The following C1QTNF8 variants were observed in gnomAD, a reference collection of about 807,000 sequenced individuals.
C1QTNF8 encodes complement C1q tumor necrosis factor-related protein 8.
Under a neutral mutation model 19.2 loss-of-function variants are expected in C1QTNF8, and 27 were observed. That is an observed-to-expected ratio of 1.41 (90% CI 1.04 to 1.94). The LOEUF is 1.94. Among genes scored for constraint, C1QTNF8 ranks in the 30% most tolerant of loss-of-function variants. The pLI, the probability that C1QTNF8 is intolerant of heterozygous loss-of-function variation, is 0.00. For synonymous variants in C1QTNF8, 208 were observed against 172.8 expected (o/e 1.20, Z -1.60); for missense variants, 484 against 374.4 (o/e 1.29, Z -2.42).
intron 3 of C1QTNF8, 70 bp downstream of exon 3, chr16:1,094,645 G>A: frequency 2.2e-6 from 3 of 1,349,146 alleles, no homozygotes; most frequent in African/African-American, 1.5e-5. Context: ...CAAGCCCCAG[G>A]TGCTCCCCAC....
In C1QTNF8 at chr16:1,093,885, C is replaced by T; in HGVS notation, c.375G>A (p.Glu125=). 1.3e-6 allele frequency: 2 copies of T among 1,571,360 alleles called. No homozygotes were observed. The highest frequency in any genetic ancestry group is 2.3e-5 in the East Asian group (1 of 43,750). ...AYAAFSVGRR[E]GLHSSDHFQA... is the part of the protein sequence containing the mutation. ...GGAAGTGGTCGGAGCTGTGCAGGCC[C>T]TCGCGCCGGCCCACGGAGAAGGCGG... Residue 125 remains glutamate (E), a synonymous_variant, in exon 4 of 5, where the codon GAG becomes GAA. Coordinates refer to ENST00000328449, the MANE Select transcript of C1QTNF8 (RefSeq NM_207419.3).
chr16:1,093,869 C>T lies in C1QTNF8; in HGVS notation c.391G>A (p.Asp131Asn), dbSNP rs1204375941. 1.9e-6 allele frequency: 3 copies of T among 1,597,936 alleles called. No homozygotes were observed. Among genetic ancestry groups the T allele is most frequent in the East Asian group, 2.2e-5 (1 of 44,700 alleles). Residue 131 changes from aspartate (D) to asparagine (N), a missense_variant, in exon 4 of 5, where the codon GAC (aspartate) becomes AAC (asparagine). Coordinates refer to ENST00000328449, the MANE Select transcript of C1QTNF8 (RefSeq NM_207419.3). ...TCGAAGGGCACCGCCTGGAAGTGGTCGGAGCTGTGCAGGCCCTCGCGCCGG... is the reference window on the plus strand; with the variant it reads ...TCGAAGGGCACCGCCTGGAAGTGGTTGGAGCTGTGCAGGCCCTCGCGCCGG... ...VGRREGLHSSDHFQAVPFDTE... is the reference protein window; with the variant it reads ...VGRREGLHSSNHFQAVPFDTE...
At chr16:1,092,451 A>G (rs1960568510) in intron 4 of C1QTNF8, among the ~76,000 whole-genome samples, 1 of 149,942 alleles carries the variant, frequency 6.7e-6, no homozygotes, top group East Asian at 2.0e-4. Flanking sequence ...ATCACAGCAC[A>G]CAGTCGTCGC....
At position 1,090,978 on chromosome 16, in the gene C1QTNF8, G is replaced by A. The variant is rs560751882; in HGVS notation, c.*5-384C>T. On this transcript the variant is annotated intron_variant, in intron 4 of 4. Transcript: ENST00000328449. Reference sequence around the variant, plus strand: ...CTGCAGGGTGCACCCTGATGTTGGGGGCTGTCCTCTCACAGACCCTCCTGG... The same window carrying A: ...CTGCAGGGTGCACCCTGATGTTGGGAGCTGTCCTCTCACAGACCCTCCTGG... Among the ~76,000 whole-genome samples the A allele has an allele frequency of 2.0e-5, 3 of 152,312 alleles. No homozygotes were observed. The South Asian group carries it at 6.2e-4, about 32-fold the overall frequency.
At position 1,093,970 on chromosome 16, in the gene C1QTNF8, CCCTGCAGGCCCCGGGCG is replaced by C. The variant is rs765366180; in HGVS notation, c.273_289del (p.Ala92ProfsTer277). On this transcript the variant is annotated frameshift_variant, in exon 4 of 5. Transcript: ENST00000328449. LOFTEE classifies it high-confidence loss of function. ...CACCTGCCCCTTCTGGCCTCTGCGG[CCCTGCAGGCCCCGGGCG>C]CCTGGCGGCCCCTCTTTCCCGCTCC... The C allele has an allele frequency of 1.4e-5, 20 of 1,469,292 alleles. No individual in the cohort carries two copies. Among genetic ancestry groups the C allele is most frequent in the Non-Finnish European group, 1.7e-5 (19 of 1,125,716 alleles). 91.0% of individuals were successfully genotyped at this position (1,469,292 alleles called of 1,614,324 possible).
rs536688622 is a variant in C1QTNF8 at position 1,088,345 on chromosome 16, G to A, written c.*2254C>T. 2.1e-4 allele frequency among the ~76,000 whole-genome samples: 32 copies of A among 152,342 alleles called. No individual in the cohort carries two copies. The highest frequency in any genetic ancestry group is 1.1e-3 in the Admixed American group (17 of 15,308). On this transcript the variant is annotated 3_prime_UTR_variant, in exon 5 of 5. Coordinates refer to ENST00000328449, the MANE Select transcript of C1QTNF8 (RefSeq NM_207419.3). The stretch of plus-strand genomic sequence containing the variant: ...CACAGGGATGTCCCCGCGGGAAGCC[G>A]CGTTCCCCAGTCCCTTCCTGTGCGG...
rs567652028 is a variant in C1QTNF8, at chr16:1,088,337, G to A, written c.*2262C>T. Among the ~76,000 whole-genome samples the A allele has an allele frequency of 4.6e-5, 7 of 152,354 alleles. No individual in the cohort carries two copies. Among genetic ancestry groups the A allele is most frequent in the East Asian group, 3.9e-4 (2 of 5,186 alleles). On this transcript the variant is annotated 3_prime_UTR_variant, in exon 5 of 5. Transcript: ENST00000328449. ...TGGAATGTCACAGGGATGTCCCCGCGGGAAGCCGCGTTCCCCAGTCCCTTC... is the reference window on the plus strand; with the variant it reads ...TGGAATGTCACAGGGATGTCCCCGCAGGAAGCCGCGTTCCCCAGTCCCTTC...
intron 4 of C1QTNF8, among the ~76,000 whole-genome samples, chr16:1,092,640 A>C (rs879124743): frequency 1.1e-4 from 9 of 84,248 alleles, no homozygotes; most frequent in African/African-American, 1.2e-4. Flanking sequence ...TCAACCAATC[A>C]CAGCACACAG....
rs572270179 is a variant in C1QTNF8 at position 1,094,014 on chromosome 16, G to A, written c.246C>T (p.Gly82=). The A allele has an allele frequency of 2.7e-6, 4 of 1,484,536 alleles. No individual in the cohort carries two copies. Among genetic ancestry groups the A allele is most frequent in the East Asian group, 2.6e-5 (1 of 37,920 alleles). The allele number at this position is 1,484,536 out of a possible 1,614,324, so 92.0% of individuals were successfully genotyped here. A position where few individuals can be genotyped will look rare whatever the true frequency, so the allele number is the denominator to read the frequency against. The part of the protein sequence containing the change: ...KGEAGVRGRA[G]RSGKEGPPGA... ...CTGGCGGCCCCTCTTTCCCGCTCCT[G>A]CCGGCCCGACCTCGGACGCCGGCCT... Residue 82 remains glycine (G), a synonymous_variant, in exon 4 of 5, where the codon GGC becomes GGT. Coordinates refer to ENST00000328449, the MANE Select transcript of C1QTNF8 (RefSeq NM_207419.3).
At position 1,093,443 on chromosome 16, in the gene C1QTNF8, G is replaced by GAC. The variant is rs35563239; in HGVS notation, c.*4+52_*4+53dup. ...ACCCACCCCCACACACACACACACAGACACACACACACACGCGCGCGCGCG... is the reference window on the plus strand; with the variant it reads ...ACCCACCCCCACACACACACACACAGACACACACACACACACGCGCGCGCGCG... On this transcript the variant is annotated intron_variant, in intron 4 of 4. Coordinates refer to ENST00000328449, the MANE Select transcript of C1QTNF8 (RefSeq NM_207419.3). The GAC allele has an allele frequency of 1.6e-3, 1,530 of 946,430 alleles. 4 individuals are homozygous for GAC. The highest frequency in any genetic ancestry group is 2.5e-3 in the East Asian group (50 of 20,356). 58.6% of individuals were successfully genotyped at this position (946,430 alleles called of 1,614,324 possible). A position where few individuals can be genotyped will look rare whatever the true frequency, so the allele number is the denominator to read the frequency against.
At chr16:1,093,429 C>CACACACACACACAG in intron 4 of C1QTNF8, 68 bp downstream of exon 4, 3 of 1,129,122 alleles carry the variant, frequency 2.7e-6, no homozygotes, top group Non-Finnish European at 3.5e-6. Flanking sequence ...CCCACCCCCA[C>CACACACACACACAG]ACACACACAC....
Position 1,088,245 on chromosome 16 carries a change from T to G in C1QTNF8, c.*2354A>C, listed in dbSNP as rs1185970546. The stretch of plus-strand genomic sequence containing the variant: ...CACCTAAACATTTAAAATTGGATTT[T>G]TACTGGAATTCCACTAAACGGATAA... On this transcript the variant is annotated 3_prime_UTR_variant, in exon 5 of 5. Transcript: ENST00000328449. Among the ~76,000 whole-genome samples, 1 of 152,256 alleles carries G rather than the reference T, an allele frequency of 6.6e-6. No homozygotes were observed. Among genetic ancestry groups the G allele is most frequent in the Non-Finnish European group, 1.5e-5 (1 of 68,046 alleles).
chr16:1,092,388 C>CCTGCACACAGTCGGCGCTCAATCAATCA (rs1567392198), intron 4 of C1QTNF8, among the ~76,000 whole-genome samples: 3 of 143,626 alleles, frequency 2.1e-5, no homozygotes, highest in African/African-American at 8.1e-5. Flanking sequence ...ACAACCAATC[C>CCTGCACACAGTCGGCGCTCAATCAATCA]CTGCACACAG....
Position 1,093,896 on chromosome 16 carries a change from C to A in C1QTNF8, c.364G>T (p.Gly122Cys). Reference protein sequence around the residue: ...CRRAYAAFSVGRREGLHSSDH... With the variant: ...CRRAYAAFSVCRREGLHSSDH... ...GAGCTGTGCAGGCCCTCGCGCCGGC[C>A]CACGGAGAAGGCGGCGTAGGCACGT... is the stretch of plus-strand genomic sequence containing the variant. The change falls in exon 4 of 5, where the codon GGC becomes TGC. Residue 122 changes from glycine to cysteine, a missense_variant. Physicochemically the swap from Gly to Cys is radical, Grantham distance 159. Coordinates refer to ENST00000328449, the MANE Select transcript of C1QTNF8 (RefSeq NM_207419.3). The A allele has an allele frequency of 4.5e-6, 7 of 1,563,210 alleles. No individual in the cohort carries two copies. The highest frequency in any genetic ancestry group is 6.0e-6 in the Non-Finnish European group (7 of 1,163,804).
At chr16:1,091,420 A>AG (rs1960541661) in intron 4 of C1QTNF8, among the ~76,000 whole-genome samples, 1 of 151,840 alleles carries the variant, frequency 6.6e-6, no homozygotes. Context: ...GGCTGGGAAG[A>AG]GGGGGAGGGA....
At position 1,093,668 on chromosome 16, in the gene C1QTNF8, C is replaced by G. The variant is rs768617402; in HGVS notation, c.592G>C (p.Glu198Gln). The change falls in exon 4 of 5, where the codon GAG becomes CAG. Residue 198 changes from glutamate (E) to glutamine (Q), a missense_variant. By Grantham distance (29) the Glu-to-Gln change is conservative. Transcript: ENST00000328449. ...CTCTGGGCCTGCATGACGCTGCGCTCGCTGGGCTGCGCGTAGAGCACGGCC... is the reference window on the plus strand; with the variant it reads ...CTCTGGGCCTGCATGACGCTGCGCTGGCTGGGCTGCGCGTAGAGCACGGCC... ...PAAVLYAQPS[E>Q]RSVMQAQSLM... The G allele has an allele frequency of 2.5e-6, 4 of 1,611,852 alleles. No individual in the cohort carries two copies. Among genetic ancestry groups the G allele is most frequent in the Non-Finnish European group, 3.4e-6 (4 of 1,179,522 alleles).
At chr16:1,093,392 ACACC>A (rs1299629223) in intron 4 of C1QTNF8, 101 bp downstream of exon 4, 4 of 112,446 alleles carry the variant, frequency 3.6e-5, no homozygotes, top group Non-Finnish European at 6.0e-5. Flanking sequence ...CACCACACCC[ACACC>A]CACCCACACA....
intron 2 of C1QTNF8, among the ~76,000 whole-genome samples, chr16:1,095,250 C>T (rs1446002094): frequency 2.6e-5 from 4 of 152,248 alleles, no homozygotes; most frequent in Admixed American, 6.5e-5. Context: ...GCCCTCTAAA[C>T]TCAGGAGCGG....
At chr16:1,091,566 C>T (rs111801135) in intron 4 of C1QTNF8, among the ~76,000 whole-genome samples, 2,201 of 152,232 alleles carry the variant, frequency 0.014, 41 homozygotes, top group African/African-American at 0.048. Context: ...AGCCTCTTGC[C>T]TGGAGGGACC....
Sources: gnomAD v4.1 joint callset for allele counts (sites outside exome capture counted in the v4.1 genomes callset) on GRCh38, gnomAD v4.1.1 for gene constraint, MANE v1.5 for transcripts, NCBI Gene and HGNC (gene_info 2026-07-23, HGNC 2026-07-21) for gene names.